CRB1: variants seen among roughly 807,000 people sequenced by gnomAD.
The protein encoded by CRB1 is protein crumbs homolog 1.
A neutral mutation model predicts 120.0 loss-of-function variants in CRB1; 83 were observed. The observed-to-expected ratio is 0.69, with a 90% CI of 0.58 to 0.83. CRB1 has a LOEUF of 0.83. CRB1 is among the 40% of genes least tolerant of loss of function. CRB1 has a pLI of 0.00. For synonymous variants in CRB1, 625 were observed against 612.5 expected (o/e 1.02, Z -0.30); for missense variants, 1,699 against 1,687.6 (o/e 1.01, Z -0.12).
chr1:197,237,530 G>A, the CRB1 span, among the ~76,000 whole-genome samples: 1 of 152,040 alleles, frequency 6.6e-6, no homozygotes, highest in African/African-American at 2.4e-5. Flanking sequence ...GAATTTTGGG[G>A]GAGGGACACA....
rs745422941 is a variant in CRB1, at chr1:197,477,696, CA to C, written c.4039del (p.Thr1347LeufsTer5). On this transcript the variant is annotated frameshift_variant, in exon 12 of 12. Coordinates refer to ENST00000367400, the MANE Select transcript of CRB1 (RefSeq NM_201253.3). LOFTEE classifies it low-confidence loss of function (END_TRUNC). ...ATGACTTGATCTCCGACATTTTCAC[CA>C]CTATTGGCTCAGTGACTGTCGCCTT... ...ADDLISDIFT[T>X]IGSVTVALLL... The C allele has an allele frequency of 1.2e-6, 2 of 1,613,690 alleles. No individual in the cohort carries two copies. Among genetic ancestry groups the C allele is most frequent in the Non-Finnish European group, 1.7e-6 (2 of 1,179,844 alleles).
At chr1:197,269,952 A>G (rs1654818251) in intron 1 of CRB1, among the ~76,000 whole-genome samples, 2 of 152,212 alleles carry the variant, frequency 1.3e-5, no homozygotes, top group South Asian at 4.1e-4. Context: ...TTAAAAAAGT[A>G]CATTTGAAGT....
chr1:197,417,859 G>T (rs114811707), intron 5 of CRB1, among the ~76,000 whole-genome samples: 2,135 of 152,262 alleles, frequency 0.014, 62 homozygotes, highest in African/African-American at 0.049. Flanking sequence ...AGGGAAGAAG[G>T]CTTCCAAATC....
chr1:197,330,842 A>G (rs568032513), intron 2 of CRB1, among the ~76,000 whole-genome samples: 1 of 152,042 alleles, frequency 6.6e-6, no homozygotes, highest in Non-Finnish European at 1.5e-5. Flanking sequence ...TTTTATATTT[A>G]TTCTTTAATT....
At position 197,477,665 on chromosome 1, in the gene CRB1, T is replaced by G; in HGVS notation, c.4007T>G (p.Leu1336Trp). The G allele has an allele frequency of 6.2e-7, 1 of 1,613,594 alleles. No individual in the cohort carries two copies. The highest frequency in any genetic ancestry group is 8.5e-7 in the Non-Finnish European group (1 of 1,179,566). Residue 1336 changes from leucine (L) to tryptophan (W), a missense_variant and splice_region_variant, in exon 12 of 12, where the codon TTG (leucine) becomes TGG (tryptophan). Leu to Trp is a moderately conservative substitution (Grantham distance 61). Transcript: ENST00000367400. ...TCCCAATGATTTCAATCTTTCCAGTTGGCAGATGACTTGATCTCCGACATT... is the reference window on the plus strand; with the variant it reads ...TCCCAATGATTTCAATCTTTCCAGTGGGCAGATGACTTGATCTCCGACATT... Reference protein sequence around the residue: ...AFAGERCEVDLADDLISDIFT... With the variant: ...AFAGERCEVDWADDLISDIFT...
chr1:197,372,088 G>C (rs1421082909), intron 5 of CRB1, among the ~76,000 whole-genome samples: 1 of 152,026 alleles, frequency 6.6e-6, no homozygotes, highest in African/African-American at 2.4e-5. Context: ...GACAGAGACT[G>C]GGATTAAATC....
chr1:197,475,344 T>G (rs1207005019), intron 11 of CRB1, among the ~76,000 whole-genome samples: 1 of 152,132 alleles, frequency 6.6e-6, no homozygotes, highest in Non-Finnish European at 1.5e-5. Flanking sequence ...ATCCACCTGC[T>G]CATCTAATGT....
intron 1 of CRB1, among the ~76,000 whole-genome samples, chr1:197,296,359 C>T (rs1656519709): frequency 6.6e-6 from 1 of 151,980 alleles, no homozygotes; most frequent in African/African-American, 2.4e-5. Context: ...GCTTAATTGA[C>T]ATCATCATGG....
intron 11 of CRB1, among the ~76,000 whole-genome samples, chr1:197,475,069 A>G (rs1667143262): frequency 6.6e-6 from 1 of 152,174 alleles, no homozygotes. Context: ...TATTTTTTCT[A>G]AAAAACTACT....
At chr1:197,240,065 A>C in the CRB1 span, among the ~76,000 whole-genome samples, 1 of 151,920 alleles carries the variant, frequency 6.6e-6, no homozygotes, top group African/African-American at 2.4e-5. Flanking sequence ...GAACAATGTC[A>C]GTGTTATAAT....
chr1:197,407,855 G>C (rs1464389653), intron 5 of CRB1, among the ~76,000 whole-genome samples: 1 of 152,046 alleles, frequency 6.6e-6, no homozygotes, highest in African/African-American at 2.4e-5. Flanking sequence ...GTCCATTCAT[G>C]GATACATTAG....
At chr1:197,384,474 C>A (rs997010523) in intron 5 of CRB1, among the ~76,000 whole-genome samples, 2 of 152,096 alleles carry the variant, frequency 1.3e-5, no homozygotes. Flanking sequence ...TGTTTGCAAG[C>A]GTTTCCGTTT....
chr1:197,230,016 T>C, the CRB1 span, among the ~76,000 whole-genome samples: 1 of 152,220 alleles, frequency 6.6e-6, no homozygotes, highest in Non-Finnish European at 1.5e-5. Context: ...ATTTATAATA[T>C]GTTCAGCACT....
intron 11 of CRB1, among the ~76,000 whole-genome samples, chr1:197,475,336 C>A (rs1442364979): frequency 6.6e-6 from 1 of 152,158 alleles, no homozygotes; most frequent in Non-Finnish European, 1.5e-5. Flanking sequence ...ACATCCCAAT[C>A]CACCTGCTCA....
chr1:197,434,948 G>A lies in CRB1; in HGVS notation c.3085G>A (p.Val1029Met), dbSNP rs757383417. 6.2e-7 allele frequency: 1 copy of A among 1,613,982 alleles called. No individual in the cohort carries two copies. Among genetic ancestry groups the A allele is most frequent in the Non-Finnish European group, 8.5e-7 (1 of 1,179,896 alleles). ...YMLSLTSLQS[V>M]NDGTWHEVTL... ...GCTAAGTCTGACAAGTTTGCAGTCA[G>A]TGAATGATGGCACATGGCACGAAGT... The change falls in exon 9 of 12, where the codon GTG (valine) becomes ATG (methionine). Residue 1029 changes from valine to methionine, a missense_variant. Val to Met is a conservative substitution (Grantham distance 21, BLOSUM62 1). Transcript: ENST00000367400.
At chr1:197,318,650 T>G (rs1657994377) in intron 1 of CRB1, among the ~76,000 whole-genome samples, 2 of 152,194 alleles carry the variant, frequency 1.3e-5, no homozygotes, top group Admixed American at 6.5e-5. Context: ...CACAAGGGAA[T>G]GTTATTCAGT....
intron 3 of CRB1, among the ~76,000 whole-genome samples, chr1:197,346,403 G>A (rs985506956): frequency 2.9e-4 from 44 of 152,084 alleles, no homozygotes; most frequent in African/African-American, 9.6e-4. Context: ...GGTTTTTGTC[G>A]CTAATGTTTT....
At chr1:197,280,294 CAT>C (rs1205951126) in intron 1 of CRB1, among the ~76,000 whole-genome samples, 1 of 151,742 alleles carries the variant, frequency 6.6e-6, no homozygotes, top group African/African-American at 2.4e-5. Context: ...ATCAGAAAAA[CAT>C]AAGGGAGAGA....
At chr1:197,462,885 G>A (rs1479624702) in intron 11 of CRB1, among the ~76,000 whole-genome samples, 1 of 29,234 alleles carries the variant, frequency 3.4e-5, no homozygotes, top group Non-Finnish European at 7.2e-5. Context: ...AGCCAATGCA[G>A]ATCTTTTTTT....
Sources: allele counts gnomAD v4.1 joint callset (sites outside exome capture counted in the v4.1 genomes callset), GRCh38; gene constraint gnomAD v4.1.1; transcripts MANE v1.5; gene names NCBI Gene and HGNC (gene_info 2026-07-23, HGNC 2026-07-21).